Variants in SUCLG2 observed in about 807,000 individuals in gnomAD.
SUCLG2 encodes the protein succinate-CoA ligase GDP-forming subunit beta.
A neutral mutation model predicts 47.9 loss-of-function variants in SUCLG2; 42 were observed. The ratio of observed to expected loss-of-function variants is 0.88; its 90% CI spans 0.69 to 1.14. The LOEUF (loss-of-function observed/expected upper bound fraction) is 1.14, where lower values mean the gene tolerates loss of function less well. Ranked by LOEUF, SUCLG2 falls within the 50% of genes most tolerant of loss-of-function variation. The pLI, the probability that SUCLG2 is intolerant of heterozygous loss-of-function variation, is 0.00. For synonymous variants in SUCLG2, 195 were observed against 197.3 expected (o/e 0.99, Z 0.10); for missense variants, 571 against 525.9 (o/e 1.09, Z -0.84).
At chr3:67,526,524 T>C (rs1706259947) in intron 4 of SUCLG2, among the ~76,000 whole-genome samples, 1 of 152,082 alleles carries the variant, frequency 6.6e-6, no homozygotes, top group African/African-American at 2.4e-5. Context: ...GGAGGGAGCA[T>C]TCAGACCATA....
In SUCLG2 at chr3:67,438,779, C is replaced by G. The variant is rs564198746; in HGVS notation, c.1063-37928G>C. Among the ~76,000 whole-genome samples, 14 of 151,936 alleles carry G rather than the reference C, an allele frequency of 9.2e-5. 1 individual carries two copies. The highest frequency in any genetic ancestry group is 9.2e-4 in the Admixed American group (14 of 15,254). On this transcript the variant is annotated intron_variant, in intron 9 of 10. Coordinates refer to ENST00000307227, the MANE Select transcript of SUCLG2 (RefSeq NM_003848.4). Reference sequence around the variant, plus strand: ...CAACCAAAAAACATCAAGGATCAGACGGATTCACGGCCATATTCTACCAGA... The same window carrying G: ...CAACCAAAAAACATCAAGGATCAGAGGGATTCACGGCCATATTCTACCAGA...
chr3:67,399,641 A>T (rs1702639136), intron 10 of SUCLG2, among the ~76,000 whole-genome samples: 1 of 152,214 alleles, frequency 6.6e-6, no homozygotes, highest in African/African-American at 2.4e-5. Flanking sequence ...TTGTACATTG[A>T]AATGAGACAA....
chr3:67,544,169 T>G (rs1270248157), intron 2 of SUCLG2, among the ~76,000 whole-genome samples: 1 of 152,150 alleles, frequency 6.6e-6, no homozygotes, highest in Non-Finnish European at 1.5e-5. Context: ...TTACTGAAAA[T>G]TTTTAATTTA....
chr3:67,557,385 A>T (rs1707190880), intron 2 of SUCLG2, among the ~76,000 whole-genome samples: 1 of 152,166 alleles, frequency 6.6e-6, no homozygotes, highest in Non-Finnish European at 1.5e-5. Flanking sequence ...ATAAACATTT[A>T]TTGAATTCCT....
intron 2 of SUCLG2, among the ~76,000 whole-genome samples, chr3:67,594,320 G>T (rs1050148675): frequency 6.6e-6 from 1 of 152,128 alleles, no homozygotes; most frequent in African/African-American, 2.4e-5. Flanking sequence ...TATATGATCT[G>T]GGCTCCAACC....
intron 6 of SUCLG2, among the ~76,000 whole-genome samples, chr3:67,515,565 A>G (rs1465267734): frequency 1.3e-5 from 2 of 152,206 alleles, no homozygotes; most frequent in African/African-American, 4.8e-5. Flanking sequence ...TTTATATGAT[A>G]TTCAACCATG....
chr3:67,439,812 A>C (rs1703714009), intron 9 of SUCLG2, among the ~76,000 whole-genome samples: 1 of 152,200 alleles, frequency 6.6e-6, no homozygotes, highest in Non-Finnish European at 1.5e-5. Context: ...TGCCAAAAGG[A>C]ATTTACAGAT....
chr3:67,370,363 A>T (rs111296983), downstream of SUCLG2, among the ~76,000 whole-genome samples: 13 of 152,296 alleles, frequency 8.5e-5, no homozygotes, highest in East Asian at 1.5e-3. Context: ...AAATTCTTTT[A>T]AAAAAATAAT....
chr3:67,587,753 C>T (rs571221356), intron 2 of SUCLG2, among the ~76,000 whole-genome samples: 3 of 152,142 alleles, frequency 2.0e-5, no homozygotes, highest in Non-Finnish European at 4.4e-5. Flanking sequence ...TCAAATGTGT[C>T]ACCAAAGCCT....
At position 67,561,151 on chromosome 3, in the gene SUCLG2, T is replaced by C. The variant is rs1312377304; in HGVS notation, c.227-31965A>G. Among the ~76,000 whole-genome samples the C allele has an allele frequency of 4.0e-5, 6 of 151,546 alleles. No individual in the cohort carries two copies. The South Asian group carries it at 1.3e-3, about 32-fold the overall frequency. On this transcript the variant is annotated intron_variant, in intron 2 of 10. Coordinates refer to ENST00000307227, the MANE Select transcript of SUCLG2 (RefSeq NM_003848.4). ...ATCCTCTCAGTCATTTAGTATTATA[T>C]TAGCTTTATCTTATTCCCAGGGGCT...
At chr3:67,486,273 G>A (rs1321409710) in intron 9 of SUCLG2, among the ~76,000 whole-genome samples, 1 of 151,776 alleles carries the variant, frequency 6.6e-6, no homozygotes, top group Non-Finnish European at 1.5e-5. Context: ...AGAAAAGACA[G>A]TCAAGAAAGA....
chr3:67,401,575 C>CAAAAAAAA, intron 9 of SUCLG2, among the ~76,000 whole-genome samples: 1 of 121,664 alleles, frequency 8.2e-6, no homozygotes. Flanking sequence ...GCATGTGGGC[C>CAAAAAAAA]AAAAAAAAAA....
intron 1 of SUCLG2, among the ~76,000 whole-genome samples, chr3:67,648,260 A>C (rs1212325092): frequency 1.3e-5 from 2 of 152,152 alleles, no homozygotes; most frequent in Non-Finnish European, 2.9e-5. Flanking sequence ...TCGTGTCTTT[A>C]ATCTCCCTAC....
intron 10 of SUCLG2, among the ~76,000 whole-genome samples, chr3:67,387,768 T>A (rs1450100805): frequency 1.3e-5 from 2 of 152,206 alleles, no homozygotes; most frequent in Non-Finnish European, 2.9e-5. Context: ...AGAAGAAGAT[T>A]TGACATTTCT....
intron 2 of SUCLG2, among the ~76,000 whole-genome samples, chr3:67,553,613 C>T (rs1449511634): frequency 2.0e-5 from 3 of 151,704 alleles, no homozygotes; most frequent in Admixed American, 6.6e-5. Context: ...CTCATTATAC[C>T]CATTTTCTTT....
In SUCLG2 at chr3:67,408,872, T is replaced by C. The variant is rs1243687504; in HGVS notation, c.1063-8021A>G. On this transcript the variant is annotated intron_variant, in intron 9 of 10. Transcript: ENST00000307227. ...AAATTAAGGCGGTCTTACTGTAAAGTCCATGTTCGTTCCACTCCCTCTGGC... is the reference window on the plus strand; with the variant it reads ...AAATTAAGGCGGTCTTACTGTAAAGCCCATGTTCGTTCCACTCCCTCTGGC... 2.7e-6 allele frequency: 4 copies of C among 1,462,792 alleles called. No homozygotes were observed. In the African/African-American group the frequency reaches 5.7e-5, roughly 21 times the overall value. 90.6% of individuals were successfully genotyped at this position (1,462,792 alleles called of 1,614,324 possible).
At chr3:67,369,337 CCT>C (rs1701919888) in intron 10 of SUCLG2, among the ~76,000 whole-genome samples, 1 of 152,206 alleles carries the variant, frequency 6.6e-6, no homozygotes, top group African/African-American at 2.4e-5. Context: ...TTGGCTTACC[CCT>C]CTTTCCTTTA....
intron 10 of SUCLG2, among the ~76,000 whole-genome samples, chr3:67,399,267 C>T (rs183216197): frequency 1.1e-4 from 16 of 152,222 alleles, no homozygotes; most frequent in Non-Finnish European, 1.8e-4. Context: ...AAATTATAAA[C>T]ACACATAAAG....
intron 9 of SUCLG2, among the ~76,000 whole-genome samples, chr3:67,427,378 T>C (rs1344684830): frequency 6.6e-6 from 1 of 152,180 alleles, no homozygotes; most frequent in Non-Finnish European, 1.5e-5. Flanking sequence ...GTTTCAGAAA[T>C]GCCTTAATAT....
Sources: allele counts gnomAD v4.1 joint callset (sites outside exome capture counted in the v4.1 genomes callset), GRCh38; gene constraint gnomAD v4.1.1; transcripts MANE v1.5; gene names NCBI Gene and HGNC (gene_info 2026-07-23, HGNC 2026-07-21).